Variants in CDH13 observed in about 807,000 individuals in gnomAD.
The protein encoded by CDH13 is cadherin 13, also known as cadherin-13.
CDH13 carries 24 observed loss-of-function variants against 63.8 expected under a neutral mutation model. The observed-to-expected ratio is 0.38, with a 90% confidence interval of 0.27 to 0.53. CDH13 has a LOEUF of 0.53. Among genes scored for constraint, CDH13 ranks in the 20% least tolerant of loss-of-function variants. The probability of loss-of-function intolerance (pLI) is 0.85; values close to 1 mark genes in which losing one functional copy is unlikely to be tolerated. For synonymous variants in CDH13, 503 were observed against 355.3 expected, an observed-to-expected ratio of 1.42 and a Z score of -4.67; for missense variants, 1,049 against 903.1, an observed-to-expected ratio of 1.16 and a Z score of -2.07.
intron 5 of CDH13, among the ~76,000 whole-genome samples, chr16:83,240,317 A>G (rs541562430): frequency 6.6e-6 from 1 of 152,058 alleles, no homozygotes; most frequent in Non-Finnish European, 1.5e-5. Flanking sequence ...CTTTGCATGG[A>G]TTCTGGCTTC....
chr16:83,683,307 G>A lies in CDH13; in HGVS notation c.1538+4846G>A, dbSNP rs552908224. On this transcript the variant is annotated intron_variant, in intron 10 of 13. Coordinates refer to ENST00000567109, the MANE Select transcript of CDH13 (RefSeq NM_001257.5). ...TTTATCTTCTTATCCTTATTATAAA[G>A]TTAAGATAGTTTCTGGAAGAAACTT... is the stretch of plus-strand genomic sequence containing the variant. Among the ~76,000 whole-genome samples the A allele has an allele frequency of 3.3e-3, 508 of 152,298 alleles. 7 individuals carry two copies. Among genetic ancestry groups the A allele is most frequent in the African/African-American group, 0.012 (486 of 41,576 alleles).
At position 83,344,900 on chromosome 16, in the gene CDH13, C is replaced by G. The variant is rs774758244; in HGVS notation, c.675C>G (p.Leu225=). Residue 225 remains leucine, a synonymous_variant, in exon 6 of 14, where the codon CTC becomes CTG. Coordinates refer to ENST00000567109, the MANE Select transcript of CDH13 (RefSeq NM_001257.5). ...CCACTGATGTCAATGGCAAAACTCT[C>G]GAGGGGCCGGTGCCTCTGGAAGTCA... ...VETTDVNGKT[L]EGPVPLEVIV... 4 of 1,613,942 alleles carry G rather than the reference C, an allele frequency of 2.5e-6. No individual in the cohort carries two copies. In the South Asian group the frequency reaches 3.3e-5, roughly 13 times the overall value.
At chr16:83,680,882 G>A (rs1179329114) in intron 10 of CDH13, among the ~76,000 whole-genome samples, 1 of 152,014 alleles carries the variant, frequency 6.6e-6, no homozygotes, top group Non-Finnish European at 1.5e-5. Flanking sequence ...CAGGTGCTCA[G>A]AACATATTCC....
Position 82,710,393 on chromosome 16 carries a change from C to G in CDH13, c.45+83256C>G, listed in dbSNP as rs1384891643. Among the ~76,000 whole-genome samples, 4 of 145,712 alleles carry G rather than the reference C, an allele frequency of 2.7e-5. No homozygotes were observed. The East Asian group carries it at 7.9e-4, about 29-fold the overall frequency. On this transcript the variant is annotated intron_variant, in intron 1 of 13. Transcript: ENST00000567109. ...CTATAAATACAAAAAATTAGCTGCG[C>G]ATGGTGGTGGGTGCTGTAGTCCCAC...
chr16:82,990,620 C>A (rs1333021928), intron 2 of CDH13, among the ~76,000 whole-genome samples: 1 of 150,914 alleles, frequency 6.6e-6, no homozygotes, highest in Non-Finnish European at 1.5e-5. Flanking sequence ...AATCACGGCT[C>A]ACTGCCGCCT....
At chr16:83,752,145 A>T (rs1657548) in intron 11 of CDH13, among the ~76,000 whole-genome samples, 1 of 152,102 alleles carries the variant, frequency 6.6e-6, no homozygotes, top group African/African-American at 2.4e-5. Flanking sequence ...ATGTAGAAGT[A>T]TCTGTATCTG....
intron 2 of CDH13, among the ~76,000 whole-genome samples, chr16:82,910,591 G>A (rs2041800093): frequency 6.6e-6 from 1 of 152,120 alleles, no homozygotes; most frequent in Admixed American, 6.5e-5. Flanking sequence ...CTAGTCTCAA[G>A]GCTAATCCTT....
At chr16:83,271,007 C>A (rs2088789759) in intron 5 of CDH13, among the ~76,000 whole-genome samples, 1 of 151,286 alleles carries the variant, frequency 6.6e-6, no homozygotes, top group East Asian at 2.0e-4. Flanking sequence ...CATTCCCTTC[C>A]TCCCCCTCAC....
chr16:83,338,331 G>T (rs747468415), intron 5 of CDH13, among the ~76,000 whole-genome samples: 4 of 152,174 alleles, frequency 2.6e-5, no homozygotes, highest in Non-Finnish European at 4.4e-5. Context: ...ATATGCCGGA[G>T]ATGGAGAGAA....
In CDH13 at chr16:83,321,201, T is replaced by A. The variant is rs114215745; in HGVS notation, c.637-23661T>A. Among the ~76,000 whole-genome samples the A allele has an allele frequency of 4.1e-3, 625 of 152,298 alleles. 4 individuals are homozygous for A. Among genetic ancestry groups the A allele is most frequent in the African/African-American group, 0.014 (599 of 41,554 alleles). On this transcript the variant is annotated intron_variant, in intron 5 of 13. Transcript: ENST00000567109. ...CAGACATCAATCTCTTGTGAAACAA[T>A]TGTCTATTATTAACGTGCTAATTCA... is the stretch of plus-strand genomic sequence containing the variant.
At chr16:82,930,111 C>T (rs992039997) in intron 2 of CDH13, among the ~76,000 whole-genome samples, 1 of 127,924 alleles carries the variant, frequency 7.8e-6, no homozygotes, top group Non-Finnish European at 1.6e-5. Flanking sequence ...TTGGTGCAAT[C>T]TCAGCTCACT....
At chr16:83,084,814 G>T (rs1168490829) in intron 3 of CDH13, among the ~76,000 whole-genome samples, 1 of 152,186 alleles carries the variant, frequency 6.6e-6, no homozygotes, top group Non-Finnish European at 1.5e-5. Flanking sequence ...CTTGAACCCA[G>T]GAGGCAGAGG....
chr16:83,413,176 G>A (rs1271055713), intron 6 of CDH13, among the ~76,000 whole-genome samples: 1 of 152,186 alleles, frequency 6.6e-6, no homozygotes, highest in Admixed American at 6.5e-5. Context: ...AAGGCACGGT[G>A]ATGCAGTGAA....
At chr16:83,013,580 C>T (rs765461401) in intron 2 of CDH13, among the ~76,000 whole-genome samples, 13 of 152,322 alleles carry the variant, frequency 8.5e-5, no homozygotes, top group Admixed American at 5.2e-4. Flanking sequence ...CCAAATAAAT[C>T]CTCTTCTCCT....
intron 6 of CDH13, among the ~76,000 whole-genome samples, chr16:83,406,885 G>T (rs926957911): frequency 1.9e-4 from 29 of 152,250 alleles, no homozygotes; most frequent in African/African-American, 6.0e-4. Flanking sequence ...CAGTTTGAAA[G>T]AGATAATGTA....
chr16:83,380,458 G>A (rs902248756), intron 6 of CDH13, among the ~76,000 whole-genome samples: 4 of 152,076 alleles, frequency 2.6e-5, no homozygotes, highest in Admixed American at 1.3e-4. Context: ...ACAGATACAC[G>A]TGAAACCTTT....
At chr16:83,475,837 G>A (rs898600872) in intron 6 of CDH13, among the ~76,000 whole-genome samples, 16 of 152,222 alleles carry the variant, frequency 1.1e-4, no homozygotes, top group Admixed American at 9.8e-4. Flanking sequence ...CACCCACCTC[G>A]GCCTCCCAAA....
chr16:83,136,138 C>G (rs920190217), intron 4 of CDH13, among the ~76,000 whole-genome samples: 2 of 150,068 alleles, frequency 1.3e-5, no homozygotes, highest in African/African-American at 4.9e-5. Context: ...ATTCATGTAA[C>G]CAAACACCAC....
chr16:83,724,951 T>C (rs416874), intron 10 of CDH13, among the ~76,000 whole-genome samples: 133,876 of 152,242 alleles, frequency 0.88, 59,179 homozygotes, highest in East Asian at 0.98. Flanking sequence ...ATTAGGCCAA[T>C]CAATGCAAAT....
Sources: gnomAD v4.1 joint callset for allele counts (sites outside exome capture counted in the v4.1 genomes callset) on GRCh38, gnomAD v4.1.1 for gene constraint, MANE v1.5 for transcripts, NCBI Gene and HGNC (gene_info 2026-07-23, HGNC 2026-07-21) for gene names.